Variants in GDAP2 observed in about 807,000 individuals in gnomAD.
GDAP2 encodes ganglioside-induced differentiation-associated protein 2.
Under a neutral mutation model 67.0 loss-of-function variants are expected in GDAP2, and 51 were observed. The observed-to-expected ratio is 0.76, with a 90% CI of 0.61 to 0.96. The LOEUF (loss-of-function observed/expected upper bound fraction) is 0.96, where lower values mean the gene tolerates loss of function less well. Among genes scored for constraint, GDAP2 ranks in the 40% least tolerant of loss-of-function variants. GDAP2 has a pLI of 0.00. For missense variants in GDAP2, 547 were observed against 588.3 expected, an observed-to-expected ratio of 0.93 and a Z score of 0.73; for synonymous variants, 203 against 207.3, an observed-to-expected ratio of 0.98 and a Z score of 0.18.
rs575047022 is a variant in GDAP2 at position 117,926,992 on chromosome 1, A to T, written c.-68+2456T>A. 3.9e-5 allele frequency among the ~76,000 whole-genome samples: 5 copies of T among 128,238 alleles called. No homozygotes were observed. In the South Asian group the frequency reaches 9.0e-4, roughly 23 times the overall value. The allele number at this position is 128,238 out of a possible 152,430, so 84.1% of individuals were successfully genotyped here. A position where few individuals can be genotyped will look rare whatever the true frequency, so the allele number is the denominator to read the frequency against. The stretch of plus-strand genomic sequence containing the variant: ...TTTAATAAGTTCATAAACAAACACT[A>T]AGCCCTAGTTAAAAAAAAAAAGGCT... On this transcript the variant is annotated intron_variant, in intron 1 of 13. Transcript: ENST00000369443.
intron 1 of GDAP2, among the ~76,000 whole-genome samples, chr1:117,928,092 AG>A (rs1195912915): frequency 6.6e-6 from 1 of 152,210 alleles, no homozygotes; most frequent in African/African-American, 2.4e-5. Flanking sequence ...TTTTAAGAAA[AG>A]GTAAAATCAT....
Position 117,868,363 on chromosome 1 carries a change from T to C in GDAP2, c.*2206A>G, listed in dbSNP as rs556060949. The C allele has an allele frequency of 5.3e-5, 8 of 152,320 alleles. No individual in the cohort carries two copies. The highest frequency in any genetic ancestry group is 3.4e-3 in the Middle Eastern group (1 of 294). 9.4% of individuals were successfully genotyped at this position (152,320 alleles called of 1,614,324 possible). On this transcript the variant is annotated 3_prime_UTR_variant, in exon 14 of 14. Coordinates refer to ENST00000369443, the MANE Select transcript of GDAP2 (RefSeq NM_017686.4). The stretch of plus-strand genomic sequence containing the variant: ...TTATAAAACACAGTTGATATGTATA[T>C]AGTTCTGTATCACCTTTATACCCTA...
intron 8 of GDAP2, among the ~76,000 whole-genome samples, chr1:117,888,664 G>A (rs570518644): frequency 1.3e-5 from 2 of 152,242 alleles, no homozygotes; most frequent in South Asian, 4.1e-4. Flanking sequence ...TGTAGGAAAA[G>A]CAACTCTGAA....
intron 1 of GDAP2, among the ~76,000 whole-genome samples, chr1:117,928,834 A>G (rs1322324835): frequency 1.3e-5 from 2 of 152,206 alleles, no homozygotes; most frequent in African/African-American, 2.4e-5. Flanking sequence ...AAACACTTCT[A>G]TGCAGCTCAA....
At chr1:117,891,923 C>T (rs868461622) in intron 8 of GDAP2, among the ~76,000 whole-genome samples, 1 of 152,036 alleles carries the variant, frequency 6.6e-6, no homozygotes, top group African/African-American at 2.4e-5. Context: ...TTAGTATAAA[C>T]TCTAAAATGT....
rs757044124 is a variant in GDAP2 at position 117,894,142 on chromosome 1, A to AT, written c.953+2690dup. Among the ~76,000 whole-genome samples the AT allele has an allele frequency of 6.6e-3, 943 of 142,404 alleles. 2 individuals are homozygous for AT. The highest frequency in any genetic ancestry group is 0.011 in the African/African-American group (441 of 39,116). The allele number at this position is 142,404 out of a possible 152,430, so 93.4% of individuals were successfully genotyped here. On this transcript the variant is annotated intron_variant, in intron 8 of 13. Transcript: ENST00000369443. ...AAAAAGAAAAATAAGTCTCAATAAC[A>AT]TTTTTTTTTTTTTTTGAGACAGGGT...
rs535597184 is a variant in GDAP2, at chr1:117,867,003, T to A, written c.*3566A>T. The A allele has an allele frequency of 3.3e-5, 5 of 152,274 alleles. No individual in the cohort carries two copies. In the East Asian group the frequency reaches 9.6e-4, roughly 29 times the overall value. The allele number at this position is 152,274 out of a possible 1,614,324, so 9.4% of individuals were successfully genotyped here. A position where few individuals can be genotyped will look rare whatever the true frequency, so the allele number is the denominator to read the frequency against. ...TAGAACCATGTAACTCTCCTCTATATAGTACTTCAAATTCTAATCATTTCT... is the reference window on the plus strand; with the variant it reads ...TAGAACCATGTAACTCTCCTCTATAAAGTACTTCAAATTCTAATCATTTCT... On this transcript the variant is annotated 3_prime_UTR_variant, in exon 14 of 14. Coordinates refer to ENST00000369443, the MANE Select transcript of GDAP2 (RefSeq NM_017686.4).
chr1:117,868,210 G>C lies in GDAP2; in HGVS notation c.*2359C>G, dbSNP rs1353898350. 6.6e-6 allele frequency: 1 copy of C among 152,108 alleles called. No individual in the cohort carries two copies. Among genetic ancestry groups the C allele is most frequent in the Non-Finnish European group, 1.5e-5 (1 of 68,022 alleles). The allele number at this position is 152,108 out of a possible 1,614,324, so 9.4% of individuals were successfully genotyped here. ...CAAGGTCATTATATTTCTCCTCTAG[G>C]ATTTGGTACTTTGAAGCAACTTCAT... On this transcript the variant is annotated 3_prime_UTR_variant, in exon 14 of 14. Transcript: ENST00000369443.
chr1:117,911,058 A>G, intron 5 of GDAP2, among the ~76,000 whole-genome samples: 1 of 152,204 alleles, frequency 6.6e-6, no homozygotes, highest in Non-Finnish European at 1.5e-5. Context: ...ATTCCTTCAG[A>G]TATTTGAAGA....
At chr1:117,926,595 C>T (rs1463379454) in intron 1 of GDAP2, among the ~76,000 whole-genome samples, 1 of 152,180 alleles carries the variant, frequency 6.6e-6, no homozygotes, top group African/African-American at 2.4e-5. Flanking sequence ...ATCTCTCCTT[C>T]CCCTAAACAC....
chr1:117,875,700 C>T (rs898638844), intron 13 of GDAP2, among the ~76,000 whole-genome samples: 1 of 152,148 alleles, frequency 6.6e-6, no homozygotes, highest in African/African-American at 2.4e-5. Context: ...ACCAGTGTGC[C>T]CAGTATGCAG....
chr1:117,894,164 G>A (rs1030302590), intron 8 of GDAP2, among the ~76,000 whole-genome samples: 1 of 150,074 alleles, frequency 6.7e-6, no homozygotes, highest in Admixed American at 6.6e-5. Context: ...TTTTGAGACA[G>A]GGTCTCTCTC....
chr1:117,913,632 C>T (rs1274954472), intron 3 of GDAP2: 2 of 152,068 alleles, frequency 1.3e-5, no homozygotes, highest in East Asian at 3.9e-4. Flanking sequence ...ATTGAGAGGC[C>T]CAAACCTAAA....
intron 6 of GDAP2, among the ~76,000 whole-genome samples, chr1:117,905,120 T>G (rs1649613597): frequency 6.6e-6 from 1 of 152,330 alleles, no homozygotes; most frequent in East Asian, 1.9e-4. Flanking sequence ...TGATCATTTC[T>G]CATGTGGAGT....
chr1:117,870,100 C>T lies in GDAP2; in HGVS notation c.*469G>A, dbSNP rs922369410. On this transcript the variant is annotated 3_prime_UTR_variant, in exon 14 of 14. Transcript: ENST00000369443. ...TTCTCTTTTAACACAGCCAAATTAT[C>T]TTTATAAAATATACATGGTATTAAC... is the stretch of plus-strand genomic sequence containing the variant. The T allele has an allele frequency of 3.9e-5, 6 of 152,790 alleles. No individual in the cohort carries two copies. Among genetic ancestry groups the T allele is most frequent in the African/African-American group, 1.4e-4 (6 of 41,432 alleles). The allele number at this position is 152,790 out of a possible 1,614,324, so 9.5% of individuals were successfully genotyped here. A position where few individuals can be genotyped will look rare whatever the true frequency, so the allele number is the denominator to read the frequency against.
intron 7 of GDAP2, 27 bp downstream of exon 7, chr1:117,899,030 T>A: frequency 1.3e-6 from 2 of 1,597,218 alleles, no homozygotes; most frequent in Non-Finnish European, 1.7e-6. Context: ...AGAGGGAGAT[T>A]TAAAAAGTTA....
At chr1:117,888,831 T>C (rs928956906) in intron 8 of GDAP2, among the ~76,000 whole-genome samples, 1 of 152,136 alleles carries the variant, frequency 6.6e-6, no homozygotes, top group African/African-American at 2.4e-5. Context: ...CAAAATGGTG[T>C]TCATATGGGA....
chr1:117,880,353 G>A (rs1244243055), intron 12 of GDAP2, among the ~76,000 whole-genome samples: 1 of 152,192 alleles, frequency 6.6e-6, no homozygotes, highest in African/African-American at 2.4e-5. Context: ...AGGTAACAGA[G>A]AGAGAGAAAA....
At chr1:117,870,846 A>T (rs138490344) in intron 13 of GDAP2, among the ~76,000 whole-genome samples, 1 of 152,182 alleles carries the variant, frequency 6.6e-6, no homozygotes, top group Non-Finnish European at 1.5e-5. Flanking sequence ...CACTTATTGA[A>T]TATTTTATGT....
Sources: gnomAD v4.1 joint callset for allele counts (sites outside exome capture counted in the v4.1 genomes callset) on GRCh38, gnomAD v4.1.1 for gene constraint, MANE v1.5 for transcripts, NCBI Gene and HGNC (gene_info 2026-07-23, HGNC 2026-07-21) for gene names.